The following CORIN variants were observed in gnomAD, a reference collection of about 807,000 sequenced individuals.
CORIN encodes atrial natriuretic peptide-converting enzyme.
Under a neutral mutation model 125.3 loss-of-function variants are expected in CORIN, and 117 were observed. That is an observed-to-expected ratio of 0.93 (90% CI 0.80 to 1.09). The LOEUF (loss-of-function observed/expected upper bound fraction) is 1.09. Among genes scored for constraint, CORIN ranks in the 50% least tolerant of loss-of-function variants. The probability of loss-of-function intolerance (pLI) is 0.00; values close to 1 mark genes in which losing one functional copy is unlikely to be tolerated. For missense variants in CORIN, 1,253 were observed against 1,306.7 expected (o/e 0.96, Z 0.63); for synonymous variants, 450 against 466.4 (o/e 0.96, Z 0.45).
chr4:47,644,948 GT>G (rs928094298), intron 14 of CORIN, 132 bp downstream of exon 14: 1 of 543,970 alleles, frequency 1.8e-6, no homozygotes, highest in Non-Finnish European at 3.3e-6. Flanking sequence ...TACAAGTGGA[GT>G]TTGATCAAAA....
intron 12 of CORIN, 106 bp from the exon 13 acceptor site, chr4:47,653,766 G>C: frequency 3.1e-6 from 3 of 975,904 alleles, no homozygotes; most frequent in South Asian, 1.6e-5. Flanking sequence ...TGAAGATAAG[G>C]GTGGTCTCTT....
At position 47,643,102 on chromosome 4, in the gene CORIN, C is replaced by T. The variant is rs778361307; in HGVS notation, c.2068+44G>A. 3.7e-6 allele frequency: 6 copies of T among 1,613,780 alleles called. No individual in the cohort carries two copies. The South Asian group carries it at 4.4e-5, about 12-fold the overall frequency. ...GGATCCATTCAGCTTCAGTGGCTGACAGGCATGAGAGAGTACAACAGATGG... is the reference window on the plus strand; with the variant it reads ...GGATCCATTCAGCTTCAGTGGCTGATAGGCATGAGAGAGTACAACAGATGG... On this transcript the variant is annotated intron_variant, in intron 15 of 21. Transcript: ENST00000273857.
At chr4:47,747,192 G>A (rs1728701376) in intron 4 of CORIN, among the ~76,000 whole-genome samples, 1 of 151,786 alleles carries the variant, frequency 6.6e-6, no homozygotes, top group Non-Finnish European at 1.5e-5. Context: ...AATCAAAACA[G>A]TACTCCCAAT....
chr4:47,698,361 G>T (rs539191402), intron 5 of CORIN, among the ~76,000 whole-genome samples: 1 of 151,642 alleles, frequency 6.6e-6, no homozygotes, highest in Non-Finnish European at 1.5e-5. Flanking sequence ...AAGAGGTGAG[G>T]GAGTCTCAGG....
chr4:47,644,535 A>G lies in CORIN; in HGVS notation c.1957+546T>C, dbSNP rs1577776412. 2.0e-5 allele frequency among the ~76,000 whole-genome samples: 3 copies of G among 152,378 alleles called. No homozygotes were observed. The South Asian group carries it at 6.2e-4, about 32-fold the overall frequency. ...AGAGACATAATTATTTTCTGGCTCTAAAAGCAATGGCCATTCACTTAGAAA... is the reference window on the plus strand; with the variant it reads ...AGAGACATAATTATTTTCTGGCTCTGAAAGCAATGGCCATTCACTTAGAAA... On this transcript the variant is annotated intron_variant, in intron 14 of 21. Transcript: ENST00000273857.
intron 3 of CORIN, among the ~76,000 whole-genome samples, chr4:47,786,123 A>ATC (rs750761003): frequency 6.6e-6 from 1 of 152,194 alleles, no homozygotes; most frequent in Non-Finnish European, 1.5e-5. Context: ...CAATGCCACT[A>ATC]TACTGGGGCA....
At chr4:47,811,125 G>A (rs550006274) in intron 1 of CORIN, among the ~76,000 whole-genome samples, 1 of 152,180 alleles carries the variant, frequency 6.6e-6, no homozygotes, top group South Asian at 2.1e-4. Flanking sequence ...CTCCTATCTG[G>A]TTTACCTATA....
At chr4:47,829,051 A>G (rs912762968) in intron 1 of CORIN, among the ~76,000 whole-genome samples, 4 of 150,496 alleles carry the variant, frequency 2.7e-5, no homozygotes, top group Non-Finnish European at 5.9e-5. Flanking sequence ...CCAGCTACTC[A>G]GGAGGCTGAG....
At chr4:47,625,052 C>T (rs1023532330) in intron 17 of CORIN, among the ~76,000 whole-genome samples, 2 of 152,082 alleles carry the variant, frequency 1.3e-5, no homozygotes, top group Non-Finnish European at 2.9e-5. Flanking sequence ...GTCTAAAATC[C>T]TCTCTTCCTT....
At chr4:47,654,978 T>C (rs1723905775) in intron 12 of CORIN, among the ~76,000 whole-genome samples, 1 of 151,782 alleles carries the variant, frequency 6.6e-6, no homozygotes, top group Non-Finnish European at 1.5e-5. Flanking sequence ...GATATCAGCT[T>C]AGCCACAGTA....
At chr4:47,761,298 C>T (rs536809990) in intron 4 of CORIN, among the ~76,000 whole-genome samples, 7 of 152,220 alleles carry the variant, frequency 4.6e-5, no homozygotes, top group Non-Finnish European at 1.0e-4. Context: ...AGATATGCCA[C>T]TCTTCCCTTC....
intron 3 of CORIN, among the ~76,000 whole-genome samples, chr4:47,767,827 G>C (rs1729829105): frequency 6.6e-6 from 1 of 152,130 alleles, no homozygotes; most frequent in African/African-American, 2.4e-5. Flanking sequence ...TAACCTAGAA[G>C]AAATGGATAA....
intron 5 of CORIN, among the ~76,000 whole-genome samples, chr4:47,740,538 C>A (rs1030877585): frequency 1.5e-4 from 23 of 151,818 alleles, no homozygotes; most frequent in Non-Finnish European, 3.4e-4. Flanking sequence ...ATTAGTATAG[C>A]CATTCCAGCT....
At chr4:47,706,698 A>AC (rs1726581003) in intron 5 of CORIN, 17 of 1,607,942 alleles carry the variant, frequency 1.1e-5, no homozygotes, top group Middle Eastern at 2.0e-4. Flanking sequence ...GCTGGACGCC[A>AC]CTGTGGGGCT....
chr4:47,688,937 TAC>T (rs1725646443), intron 6 of CORIN, among the ~76,000 whole-genome samples: 1 of 152,250 alleles, frequency 6.6e-6, no homozygotes, highest in African/African-American at 2.4e-5. Flanking sequence ...TTATTATAGA[TAC>T]AGTCATTTTT....
intron 2 of CORIN, among the ~76,000 whole-genome samples, chr4:47,805,172 TAGAGTATAATTGGATTATAAAAAA>T (rs1731734438): frequency 1.3e-5 from 2 of 148,470 alleles, no homozygotes; most frequent in African/African-American, 4.9e-5. Flanking sequence ...ATAATAATAA[TAGAGTATAATTGGATTATAAAAAA>T]AATAGAGTAT....
rs1202845792 is a variant in CORIN at position 47,610,973 on chromosome 4, A to T, written c.2541-7305T>A. Among the ~76,000 whole-genome samples, 3 of 139,742 alleles carry T rather than the reference A, an allele frequency of 2.1e-5. No homozygotes were observed. The East Asian group carries it at 5.9e-4, about 28-fold the overall frequency. 91.7% of individuals were successfully genotyped at this position (139,742 alleles called of 152,430 possible). On this transcript the variant is annotated intron_variant, in intron 19 of 21. Coordinates refer to ENST00000273857, the MANE Select transcript of CORIN (RefSeq NM_006587.4). ...TATGTGTCTGTTCTTGTACAGTAGT[A>T]CCATGCAGTTTTTGGTTACTGTAGT...
At position 47,597,547 on chromosome 4, in the gene CORIN, T is replaced by C. The variant is rs1283492860; in HGVS notation, c.2947-1644A>G. ...TTTAAAGCAAAATTTCTTTGTTACATGTATATAATGCTTAGACGAAAAAGA... is the reference window on the plus strand; with the variant it reads ...TTTAAAGCAAAATTTCTTTGTTACACGTATATAATGCTTAGACGAAAAAGA... On this transcript the variant is annotated intron_variant, in intron 21 of 21. Transcript: ENST00000273857. 2.6e-5 allele frequency among the ~76,000 whole-genome samples: 4 copies of C among 152,144 alleles called. No homozygotes were observed. In the East Asian group the frequency reaches 5.8e-4, roughly 22 times the overall value.
intron 1 of CORIN, among the ~76,000 whole-genome samples, chr4:47,818,682 G>A (rs1282100284): frequency 1.3e-5 from 2 of 152,092 alleles, no homozygotes; most frequent in South Asian, 4.2e-4. Flanking sequence ...AGACTACCCT[G>A]GGCAACATGG....
Sources: gnomAD v4.1 joint callset for allele counts (sites outside exome capture counted in the v4.1 genomes callset) on GRCh38, gnomAD v4.1.1 for gene constraint, MANE v1.5 for transcripts, NCBI Gene and HGNC (gene_info 2026-07-23, HGNC 2026-07-21) for gene names.